MYO9B: variants seen among roughly 807,000 people sequenced by gnomAD.
MYO9B encodes the protein unconventional myosin-IXb.
A neutral mutation model predicts 229.5 loss-of-function variants in MYO9B; 71 were observed. That is an observed-to-expected ratio of 0.31 (90% CI 0.26 to 0.38). The LOEUF is 0.38. Ranked by LOEUF, MYO9B falls within the 10% of genes least tolerant of loss-of-function variation. The pLI, the probability that MYO9B is intolerant of heterozygous loss-of-function variation, is 1.00. For synonymous variants in MYO9B, 1,185 were observed against 1,235.8 expected, an observed-to-expected ratio of 0.96 and a Z score of 0.86; for missense variants, 2,255 against 2,920.5, an observed-to-expected ratio of 0.77 and a Z score of 5.25.
rs1241329035 is a variant in MYO9B at position 17,162,396 on chromosome 19, T to C, written c.1466T>C (p.Leu489Pro). Residue 489 changes from leucine to proline, a missense_variant, in exon 9 of 40, where the codon CTG becomes CCG. Transcript: ENST00000682292. ...DSMAKSLYSALFDWIVLRINH... is the reference protein window; with the variant it reads ...DSMAKSLYSAPFDWIVLRINH... ...ATGGCCAAGTCTCTGTACAGCGCCC[T>C]GTTCGACTGGATTGTGCTGCGGATC... 1 of 1,589,596 alleles carries C rather than the reference T, an allele frequency of 6.3e-7. No individual in the cohort carries two copies. Among genetic ancestry groups the C allele is most frequent in the Non-Finnish European group, 8.6e-7 (1 of 1,169,040 alleles).
chr19:17,206,168 A>G lies in MYO9B; in HGVS notation c.5257+16A>G, dbSNP rs779475461. The G allele has an allele frequency of 5.2e-5, 84 of 1,609,256 alleles. 1 individual carries two copies. The East Asian group carries it at 1.7e-3, about 33-fold the overall frequency. On this transcript the variant is annotated intron_variant, in intron 32 of 39. Coordinates refer to ENST00000682292, the MANE Select transcript of MYO9B (RefSeq NM_004145.4). The stretch of plus-strand genomic sequence containing the variant: ...CTGCAGACAGGTGGGCGCTGTGGGC[A>G]GGTGGGTGCAGTGCCAGGCCCCAGG...
At chr19:17,091,156 G>T (rs1276045491) in intron 1 of MYO9B, among the ~76,000 whole-genome samples, 1 of 152,244 alleles carries the variant, frequency 6.6e-6, no homozygotes, top group Non-Finnish European at 1.5e-5. Flanking sequence ...CCCCAATCCA[G>T]GGAGGGAAGG....
intron 35 of MYO9B, chr19:17,207,562 A>G (rs1460685436): frequency 6.5e-6 from 1 of 153,990 alleles, no homozygotes; most frequent in African/African-American, 2.4e-5. Context: ...TAAAAATTTA[A>G]ATTTTTGTCT....
At chr19:17,132,177 T>TC (rs1366154000) in intron 2 of MYO9B, among the ~76,000 whole-genome samples, 33 of 141,838 alleles carry the variant, frequency 2.3e-4, no homozygotes, top group African/African-American at 8.9e-4. Flanking sequence ...TTATTTTATT[T>TC]CTTTTTTTTT....
At chr19:17,148,090 T>C (rs2072435537) in intron 3 of MYO9B, among the ~76,000 whole-genome samples, 2 of 152,204 alleles carry the variant, frequency 1.3e-5, no homozygotes, top group African/African-American at 2.4e-5. Flanking sequence ...GGTTTTCTTT[T>C]TCTTCCCGTG....
chr19:17,104,678 G>C (rs984844142), intron 2 of MYO9B, among the ~76,000 whole-genome samples: 3 of 151,656 alleles, frequency 2.0e-5, no homozygotes, highest in Non-Finnish European at 4.4e-5. Context: ...CTCCCACCTT[G>C]GCCTCCCAAA....
chr19:17,096,663 T>TTTGTTG lies in MYO9B; in HGVS notation c.-58-4960_-58-4955dup, dbSNP rs150244722. On this transcript the variant is annotated intron_variant, in intron 1 of 39. Coordinates refer to ENST00000682292, the MANE Select transcript of MYO9B (RefSeq NM_004145.4). ...CAGATGAGCTGCCTCGTTCAGATAG[T>TTTGTTG]TTGTTGTTGTTGTTGTTGTTGTTGT... 8.5e-3 allele frequency among the ~76,000 whole-genome samples: 978 copies of TTTGTTG among 115,712 alleles called. 8 individuals carry two copies. Among genetic ancestry groups the TTTGTTG allele is most frequent in the East Asian group, 0.028 (105 of 3,752 alleles). 75.9% of individuals were successfully genotyped at this position (115,712 alleles called of 152,430 possible).
At chr19:17,167,921 C>T (rs573134571) in intron 10 of MYO9B, 22 bp from the exon 11 acceptor site, 27 of 1,552,518 alleles carry the variant, frequency 1.7e-5, no homozygotes, top group South Asian at 1.4e-4. Flanking sequence ...AGAAACTTAC[C>T]GACCCCGCGC....
chr19:17,164,669 A>C (rs1482029159), intron 10 of MYO9B, among the ~76,000 whole-genome samples: 1 of 152,214 alleles, frequency 6.6e-6, no homozygotes, highest in Non-Finnish European at 1.5e-5. Flanking sequence ...GGCGTGAGCC[A>C]CCGCGCCTGG....
Position 17,192,739 on chromosome 19 carries a change from CCA to C in MYO9B, c.2812-5_2812-4del, listed in dbSNP as rs1230272785. On this transcript the variant is annotated splice_region_variant and splice_polypyrimidine_tract_variant and intron_variant, in intron 20 of 39. Coordinates refer to ENST00000682292, the MANE Select transcript of MYO9B (RefSeq NM_004145.4). ...CAGCTGACCCCACCTGACCCCGTGC[CCA>C]CCAGGTCTTCCTGAAGGAGACGGAG... The C allele has an allele frequency of 3.3e-6, 5 of 1,522,300 alleles. No homozygotes were observed. Among genetic ancestry groups the C allele is most frequent in the Admixed American group, 4.0e-5 (2 of 49,952 alleles). 94.3% of individuals were successfully genotyped at this position (1,522,300 alleles called of 1,614,324 possible). A position where few individuals can be genotyped will look rare whatever the true frequency, so the allele number is the denominator to read the frequency against.
In MYO9B at chr19:17,188,448, A is replaced by AGG. The variant is rs1555702888; in HGVS notation, c.2688+403_2688+404insGG. ...CATCTCAAAAAAAAAAAAAAAAAAA[A>AGG]AAGAAGAAACCCCTGCCTCATGCCA... On this transcript the variant is annotated intron_variant, in intron 19 of 39. Transcript: ENST00000682292. Among the ~76,000 whole-genome samples, 3 of 122,242 alleles carry AGG rather than the reference A, an allele frequency of 2.5e-5. No homozygotes were observed. The South Asian group carries it at 8.3e-4, about 34-fold the overall frequency. 80.2% of individuals were successfully genotyped at this position (122,242 alleles called of 152,430 possible). A position where few individuals can be genotyped will look rare whatever the true frequency, so the allele number is the denominator to read the frequency against.
intron 10 of MYO9B, 115 bp downstream of exon 10, chr19:17,163,237 A>C: frequency 8.4e-7 from 1 of 1,183,746 alleles, no homozygotes; most frequent in Non-Finnish European, 1.2e-6. Context: ...GTACATTCAC[A>C]TATTCGCATT....
At chr19:17,143,688 C>CG (rs139432213) in intron 2 of MYO9B, among the ~76,000 whole-genome samples, 29,884 of 151,654 alleles carry the variant, frequency 0.2, 3,453 homozygotes, top group African/African-American at 0.32. Flanking sequence ...TTTGAGAGGC[C>CG]GGGGCGGGCA....
chr19:17,154,211 C>G, intron 5 of MYO9B, 104 bp from the exon 6 acceptor site: 1 of 1,355,006 alleles, frequency 7.4e-7, no homozygotes, highest in Non-Finnish European at 1.0e-6. Context: ...CATTCATTCC[C>G]CTGGTCCTGG....
intron 2 of MYO9B, among the ~76,000 whole-genome samples, chr19:17,119,920 T>G (rs1204403764): frequency 6.6e-6 from 1 of 152,190 alleles, no homozygotes; most frequent in Non-Finnish European, 1.5e-5. Flanking sequence ...AGTGCAGGGA[T>G]TACAGCTATA....
chr19:17,118,482 A>ATT (rs1568671390), intron 2 of MYO9B, among the ~76,000 whole-genome samples: 1 of 151,504 alleles, frequency 6.6e-6, no homozygotes, highest in Non-Finnish European at 1.5e-5. Flanking sequence ...TTATTTATTT[A>ATT]TTTATTTTTA....
chr19:17,212,009 C>A lies in MYO9B; in HGVS notation c.6173C>A (p.Thr2058Asn). Residue 2058 changes from threonine (T) to asparagine (N), a missense_variant, in exon 40 of 40, where the codon ACC becomes AAC. Thr to Asn is a moderately conservative substitution (Grantham distance 65). Transcript: ENST00000682292. This position sits in a 1 kb window ranked among gnomAD's most constrained non-coding sequence, Gnocchi z 5.4. ...PSSFVTVRVK[T>N]PRRTPIMPTA... ...TCCTTCGTAACGGTCAGAGTGAAGA[C>A]CCCCCGGCGGACCCCCATCATGCCC... 3 of 1,569,402 alleles carry A rather than the reference C, an allele frequency of 1.9e-6. No individual in the cohort carries two copies. Among genetic ancestry groups the A allele is most frequent in the South Asian group, 1.1e-5 (1 of 89,976 alleles).
At chr19:17,141,105 GA>G (rs34230599) in intron 2 of MYO9B, among the ~76,000 whole-genome samples, 14,469 of 138,012 alleles carry the variant, frequency 0.1, 951 homozygotes, top group Non-Finnish European at 0.14. Flanking sequence ...CCCTGTCTCA[GA>G]AAAAAAAAAA....
intron 3 of MYO9B, among the ~76,000 whole-genome samples, chr19:17,151,575 G>A (rs992477263): frequency 6.6e-6 from 1 of 152,166 alleles, no homozygotes; most frequent in African/African-American, 2.4e-5. Context: ...TGGCCAGCAA[G>A]CACATGAGAT....
Sources: gnomAD v4.1 joint callset for allele counts (sites outside exome capture counted in the v4.1 genomes callset) on GRCh38, gnomAD v4.1.1 for gene constraint, Gnocchi (gnomAD v3.1) non-coding constraint, MANE v1.5 for transcripts, NCBI Gene and HGNC (gene_info 2026-07-23, HGNC 2026-07-21) for gene names.